The following IL1RAPL2 variants were observed in gnomAD, a reference collection of about 807,000 sequenced individuals.
IL1RAPL2 encodes interleukin 1 receptor accessory protein like 2.
In IL1RAPL2, 3 loss-of-function variants were observed where a neutral mutation model predicts 44.1. The observed-to-expected ratio is 0.07, with a 90% CI of 0.03 to 0.18. The LOEUF (loss-of-function observed/expected upper bound fraction) is 0.18, where lower values mean the gene tolerates loss of function less well. IL1RAPL2 is among the 10% of genes least tolerant of loss of function. The pLI is 1.00. For synonymous variants in IL1RAPL2, 181 were observed against 178.8 expected, an observed-to-expected ratio of 1.01 and a Z score of -0.10; for missense variants, 391 against 496.4, an observed-to-expected ratio of 0.79 and a Z score of 2.02.
chrX:105,145,913 G>A (rs1272493843), intron 2 of IL1RAPL2, among the ~76,000 whole-genome samples: 2 of 111,135 alleles, frequency 1.8e-5, no homozygotes, highest in African/African-American at 6.5e-5. Context: ...TAAAAGGTGG[G>A]GACTTTGGGA....
intron 2 of IL1RAPL2, among the ~76,000 whole-genome samples, chrX:104,886,815 C>A (rs1923260308): frequency 8.9e-6 from 1 of 112,248 alleles, no homozygotes; most frequent in African/African-American, 3.2e-5. Flanking sequence ...TAGCCCTCAT[C>A]CGTTTGGTCA....
intron 2 of IL1RAPL2, among the ~76,000 whole-genome samples, chrX:104,944,769 T>C (rs1925298881): frequency 9.0e-6 from 1 of 111,622 alleles, no homozygotes; most frequent in Non-Finnish European, 1.9e-5. Context: ...GATTTTTTAA[T>C]CTAATAATTC....
At chrX:105,621,976 G>A (rs1279471352) in intron 6 of IL1RAPL2, among the ~76,000 whole-genome samples, 1 of 109,643 alleles carries the variant, frequency 9.1e-6, no homozygotes, top group African/African-American at 3.3e-5. Flanking sequence ...TGTATATGGG[G>A]GGATGGGGAA....
At chrX:105,164,100 A>C (rs930063526) in intron 2 of IL1RAPL2, among the ~76,000 whole-genome samples, 1 of 111,201 alleles carries the variant, frequency 9.0e-6, no homozygotes, top group African/African-American at 3.3e-5. Flanking sequence ...TTTGGAAAAA[A>C]AAAAAACAAG....
intron 6 of IL1RAPL2, among the ~76,000 whole-genome samples, chrX:105,675,408 A>G (rs1321142741): frequency 9.0e-6 from 1 of 111,508 alleles, no homozygotes; most frequent in Non-Finnish European, 1.9e-5. Context: ...TTCTGCATCT[A>G]TTGAGATAAT....
intron 5 of IL1RAPL2, among the ~76,000 whole-genome samples, chrX:105,481,157 T>C (rs1180550216): frequency 8.9e-6 from 1 of 112,209 alleles, no homozygotes. Flanking sequence ...CTAAAACCAC[T>C]GACTCAGTAC....
chrX:104,803,517 T>C (rs1312760670), intron 2 of IL1RAPL2, among the ~76,000 whole-genome samples: 1 of 112,372 alleles, frequency 8.9e-6, no homozygotes, highest in East Asian at 2.8e-4. Context: ...TTTCCCACTC[T>C]TAAAGTCAAC....
chrX:105,665,238 A>G (rs1179332527), intron 6 of IL1RAPL2, among the ~76,000 whole-genome samples: 1 of 111,376 alleles, frequency 9.0e-6, no homozygotes, highest in East Asian at 2.8e-4. Context: ...CAAGCCATCA[A>G]GCATAGTGGA....
chrX:104,713,207 G>T (rs1931492402), intron 2 of IL1RAPL2, among the ~76,000 whole-genome samples: 1 of 110,294 alleles, frequency 9.1e-6, no homozygotes, highest in Admixed American at 9.7e-5. Flanking sequence ...GTTTAGGATG[G>T]CTCTAACCTG....
intron 2 of IL1RAPL2, among the ~76,000 whole-genome samples, chrX:104,776,174 G>T (rs1932715842): frequency 8.9e-6 from 1 of 111,990 alleles, no homozygotes; most frequent in South Asian, 3.7e-4. Context: ...TAATAACTGG[G>T]GAACAAAGAA....
intron 6 of IL1RAPL2, among the ~76,000 whole-genome samples, chrX:105,580,101 G>T (rs1240728917): frequency 3.6e-5 from 4 of 111,889 alleles, no homozygotes; most frequent in Non-Finnish European, 7.5e-5. Context: ...CAGTAGATGT[G>T]TTGGTAGATA....
At chrX:104,578,789 T>C (rs1928288535) in intron 1 of IL1RAPL2, among the ~76,000 whole-genome samples, 1 of 111,242 alleles carries the variant, frequency 9.0e-6, no homozygotes, top group South Asian at 3.8e-4. Context: ...TATAGAGATA[T>C]AGAAAAATGA....
chrX:105,640,769 T>C (rs1445244756), intron 6 of IL1RAPL2, among the ~76,000 whole-genome samples: 2 of 96,743 alleles, frequency 2.1e-5, no homozygotes, highest in Non-Finnish European at 4.1e-5. Flanking sequence ...GATATAGATA[T>C]AGATATAGAT....
intron 2 of IL1RAPL2, among the ~76,000 whole-genome samples, chrX:105,048,522 T>C (rs1186574801): frequency 1.8e-5 from 2 of 111,578 alleles, no homozygotes; most frequent in Non-Finnish European, 1.9e-5. Context: ...ATGTAAAAAA[T>C]CATTGATGGG....
chrX:104,574,387 CA>C (rs1184375047), intron 1 of IL1RAPL2, among the ~76,000 whole-genome samples: 1 of 110,563 alleles, frequency 9.0e-6, no homozygotes, highest in Non-Finnish European at 1.9e-5. Context: ...TTTCACATAT[CA>C]GATTAAGAAG....
At chrX:104,598,407 G>T (rs749920307) in intron 1 of IL1RAPL2, among the ~76,000 whole-genome samples, 1 of 112,101 alleles carries the variant, frequency 8.9e-6, no homozygotes, top group Non-Finnish European at 1.9e-5. Flanking sequence ...CCGGCTAGTC[G>T]CAGCCATCTC....
At chrX:105,253,973 C>T (rs1209005755) in intron 4 of IL1RAPL2, among the ~76,000 whole-genome samples, 2 of 111,672 alleles carry the variant, frequency 1.8e-5, no homozygotes, top group Non-Finnish European at 3.8e-5. Flanking sequence ...AGGTTGATTC[C>T]GTGTCTTTGC....
intron 2 of IL1RAPL2, among the ~76,000 whole-genome samples, chrX:104,698,304 C>T (rs1168900035): frequency 8.9e-6 from 1 of 112,377 alleles, no homozygotes; most frequent in Non-Finnish European, 1.9e-5. Context: ...TCCAACTGTA[C>T]TCAAAGGCAA....
intron 2 of IL1RAPL2, among the ~76,000 whole-genome samples, chrX:105,189,601 AT>A (rs1347759188): frequency 1.8e-5 from 2 of 112,173 alleles, no homozygotes; most frequent in Non-Finnish European, 3.8e-5. Context: ...TTTTAAATAA[AT>A]TGTTATGGGT....
Sources: gnomAD v4.1 joint callset for allele counts (sites outside exome capture counted in the v4.1 genomes callset) on GRCh38, gnomAD v4.1.1 for gene constraint, MANE v1.5 for transcripts, NCBI Gene and HGNC (gene_info 2026-07-23, HGNC 2026-07-21) for gene names.